NOTCH3: variants seen among roughly 807,000 people sequenced by gnomAD.
NOTCH3 encodes neurogenic locus notch homolog protein 3.
Under a neutral mutation model 213.3 loss-of-function variants are expected in NOTCH3, and 86 were observed. The observed-to-expected ratio is 0.40, with a 90% CI of 0.34 to 0.48. NOTCH3 has a LOEUF of 0.48. Ranked by LOEUF, NOTCH3 falls within the 20% of genes least tolerant of loss-of-function variation. The pLI, the probability that NOTCH3 is intolerant of heterozygous loss-of-function variation, is 0.57. For synonymous variants in NOTCH3, 1,354 were observed against 1,355.9 expected, an observed-to-expected ratio of 1.00 and a Z score of 0.03; for missense variants, 2,783 against 3,272.6, an observed-to-expected ratio of 0.85 and a Z score of 3.65.
At position 15,175,907 on chromosome 19, in the gene NOTCH3, A is replaced by C. The variant is rs2046786264; in HGVS notation, c.4404-1507T>G. 2.0e-5 allele frequency among the ~76,000 whole-genome samples: 3 copies of C among 151,182 alleles called. No individual in the cohort carries two copies. The East Asian group carries it at 5.9e-4, about 30-fold the overall frequency. On this transcript the variant is annotated intron_variant, in intron 24 of 32. Coordinates refer to ENST00000263388, the MANE Select transcript of NOTCH3 (RefSeq NM_000435.3). ...GAAAGCAGAGAAGATGAGGATGTGG[A>C]GATTAAGGGGGTGGAGGGTTCCAAG...
intron 2 of NOTCH3, among the ~76,000 whole-genome samples, chr19:15,194,148 C>G (rs1361215016): frequency 6.6e-6 from 1 of 152,088 alleles, no homozygotes; most frequent in African/African-American, 2.4e-5. Context: ...TCTTGGGAGG[C>G]TGAGGTGGGA....
intron 32 of NOTCH3, among the ~76,000 whole-genome samples, chr19:15,161,982 CTTTTTTTTTTT>C (rs71168583): frequency 8.7e-6 from 1 of 114,714 alleles, no homozygotes; most frequent in South Asian, 2.8e-4. Context: ...TTTTTCTTGT[CTTTTTTTTTTT>C]TTTTTTTTGA....
rs1473005787 is a variant in NOTCH3 at position 15,196,243 on chromosome 19, T to C, written c.197+1257A>G. On this transcript the variant is annotated intron_variant, in intron 2 of 32. Transcript: ENST00000263388. ...CGGGGCAGCCGCGGGCTCATTCACC[T>C]GTCGGCAGTATTCCAGGCGCGGAGC... 4.6e-5 allele frequency among the ~76,000 whole-genome samples: 7 copies of C among 152,222 alleles called. No individual in the cohort carries two copies. In the South Asian group the frequency reaches 6.2e-4, roughly 14 times the overall value.
At chr19:15,180,870 G>T (rs760079227) in intron 18 of NOTCH3, 42 bp from the exon 19 acceptor site, 1 of 1,608,488 alleles carries the variant, frequency 6.2e-7, no homozygotes, top group South Asian at 1.1e-5. Flanking sequence ...GGGGTGGGGG[G>T]TAGTCTGGGA....
chr19:15,191,903 G>C (rs1193592181), intron 4 of NOTCH3, 36 bp from the exon 5 acceptor site: 1 of 1,613,796 alleles, frequency 6.2e-7, no homozygotes, highest in South Asian at 1.1e-5. Flanking sequence ...TCACCGCCGG[G>C]CTGGCCTGCT....
Position 15,187,331 on chromosome 19 carries a change from C to T in NOTCH3, c.1614G>A (p.Glu538=). ...CCACGTTGCGATCACACAGCGTGCC[C>T]TCAAAGCCTGTGGGGCCAAGAGGGT... The part of the protein sequence containing the change: ...GYECRCAEGF[E]GTLCDRNVDD... Residue 538 remains glutamate (E), a synonymous_variant, in exon 11 of 33, where the codon GAG becomes GAA. Transcript: ENST00000263388. 6.2e-7 allele frequency: 1 copy of T among 1,613,086 alleles called. No individual in the cohort carries two copies. Among genetic ancestry groups the T allele is most frequent in the East Asian group, 2.2e-5 (1 of 44,862 alleles).
rs1354173937 is a variant in NOTCH3 at position 15,185,742 on chromosome 19, G to A, written c.1952-63C>T. On this transcript the variant is annotated intron_variant, in intron 12 of 32. Coordinates refer to ENST00000263388, the MANE Select transcript of NOTCH3 (RefSeq NM_000435.3). This position sits in a 1 kb window ranked among gnomAD's most constrained non-coding sequence, Gnocchi z 4.2. ...TCAGCAGGGACAACCAGGGAGGGACGACGTGACCCCACTTAGCACACCCAC... is the reference window on the plus strand; with the variant it reads ...TCAGCAGGGACAACCAGGGAGGGACAACGTGACCCCACTTAGCACACCCAC... 35 of 1,534,720 alleles carry A rather than the reference G, an allele frequency of 2.3e-5. No individual in the cohort carries two copies. The highest frequency in any genetic ancestry group is 4.5e-5 in the East Asian group (2 of 44,488).
chr19:15,189,563 A>T, intron 6 of NOTCH3, 135 bp from the exon 7 acceptor site: 2 of 1,076,202 alleles, frequency 1.9e-6, no homozygotes, highest in East Asian at 4.8e-5. Flanking sequence ...TTGTTGCCCA[A>T]GCTGGAGTAC....
rs1228689931 is a variant in NOTCH3, at chr19:15,188,318, A to G, written c.1409T>C (p.Ile470Thr). The change falls in exon 9 of 33, where the codon ATT becomes ACT. Residue 470 changes from isoleucine (I) to threonine (T), a missense_variant. By Grantham distance (89) the Ile-to-Thr change is moderately conservative (BLOSUM62 -1). Around this residue, in one of 6 missense-constraint regions of NOTCH3, gnomAD observed 708 missense variants for 906.6 expected, o/e 0.78. Coordinates refer to ENST00000263388, the MANE Select transcript of NOTCH3 (RefSeq NM_000435.3). ...GFTGTYCEVD[I>T]DECQSSPCVN... Reference sequence around the variant, plus strand: ...ACAGGGGCTACTCTGACACTCGTCAATGTCCACCTCGCAATAGGTTCCTGT... The same window carrying G: ...ACAGGGGCTACTCTGACACTCGTCAGTGTCCACCTCGCAATAGGTTCCTGT... The G allele has an allele frequency of 2.5e-6, 4 of 1,605,190 alleles. No homozygotes were observed. The African/African-American group carries it at 4.0e-5, about 16-fold the overall frequency.
chr19:15,200,067 G>C (rs2046999858), intron 1 of NOTCH3, among the ~76,000 whole-genome samples: 1 of 151,398 alleles, frequency 6.6e-6, no homozygotes, highest in Non-Finnish European at 1.5e-5. Flanking sequence ...GGGGCCCCTG[G>C]CCGGCTGGGG....
Position 15,177,994 on chromosome 19 carries a change from G to T in NOTCH3, c.3934C>A (p.Arg1312Ser). Residue 1312 changes from arginine (R) to serine (S), a missense_variant, in exon 24 of 33, where the codon CGC becomes AGC. Arg to Ser is a moderately radical substitution (Grantham distance 110, BLOSUM62 -1). Transcript: ENST00000263388. ...VPCQQTPRGP[R>S]CACPPGLSGP... Reference sequence around the variant, plus strand: ...GACAACCCTGGGGGGCAGGCGCAGCGCGGCCCGCGGGGCGTCTGCTGGCAT... The same window carrying T: ...GACAACCCTGGGGGGCAGGCGCAGCTCGGCCCGCGGGGCGTCTGCTGGCAT... 1 of 1,454,278 alleles carries T rather than the reference G, an allele frequency of 6.9e-7. No homozygotes were observed. Among genetic ancestry groups the T allele is most frequent in the South Asian group, 1.3e-5 (1 of 75,496 alleles). The allele number at this position is 1,454,278 out of a possible 1,614,324, so 90.1% of individuals were successfully genotyped here. A position where few individuals can be genotyped will look rare whatever the true frequency, so the allele number is the denominator to read the frequency against.
At chr19:15,192,789 C>G (rs951115660) in intron 2 of NOTCH3, among the ~76,000 whole-genome samples, 1 of 152,122 alleles carries the variant, frequency 6.6e-6, no homozygotes, top group Non-Finnish European at 1.5e-5. Context: ...GTGGTGCGTG[C>G]CTGTAGTCCC....
chr19:15,200,772 G>A lies in NOTCH3; in HGVS notation c.118+16C>T. On this transcript the variant is annotated intron_variant, in intron 1 of 32. Transcript: ENST00000263388. Reference sequence around the variant, plus strand: ...TCTGCCGCCCTCGTCCCATCCGCCAGGTCCCGGCCCCTCACCTGCAGCCCC... The same window carrying A: ...TCTGCCGCCCTCGTCCCATCCGCCAAGTCCCGGCCCCTCACCTGCAGCCCC... The A allele has an allele frequency of 7.8e-7, 1 of 1,289,334 alleles. No homozygotes were observed. The highest frequency in any genetic ancestry group is 9.9e-7 in the Non-Finnish European group (1 of 1,013,318). The allele number at this position is 1,289,334 out of a possible 1,614,324, so 79.9% of individuals were successfully genotyped here. A position where few individuals can be genotyped will look rare whatever the true frequency, so the allele number is the denominator to read the frequency against.
intron 28 of NOTCH3, among the ~76,000 whole-genome samples, chr19:15,168,229 C>T (rs934840279): frequency 6.6e-6 from 1 of 152,144 alleles, no homozygotes; most frequent in Non-Finnish European, 1.5e-5. Context: ...TTCCACCATG[C>T]TAAGATACCA....
rs774648286 is a variant in NOTCH3, at chr19:15,170,476, T to C, written c.4969A>G (p.Ile1657Val). 1.2e-6 allele frequency: 2 copies of C among 1,607,266 alleles called. No individual in the cohort carries two copies. Among genetic ancestry groups the C allele is most frequent in the South Asian group, 2.2e-5 (2 of 91,074 alleles). Residue 1657 changes from isoleucine to valine, a missense_variant, in exon 27 of 33, where the codon ATT (isoleucine) becomes GTT (valine). Around this residue, in one of 6 missense-constraint regions of NOTCH3, gnomAD observed 636 missense variants for 801.8 expected, o/e 0.79. Transcript: ENST00000263388. ...LVAGAVLLLVILVLGVMVARR... is the reference protein window; with the variant it reads ...LVAGAVLLLVVLVLGVMVARR... Reference sequence around the variant, plus strand: ...GCCACCATGACACCCAGGACGAGAATGACCAGCAGCAAGACAGCGCCCGCC... The same window carrying C: ...GCCACCATGACACCCAGGACGAGAACGACCAGCAGCAAGACAGCGCCCGCC...
intron 28 of NOTCH3, among the ~76,000 whole-genome samples, 167 bp downstream of exon 28, chr19:15,169,919 C>T (rs1267579699): frequency 6.6e-6 from 1 of 152,146 alleles, no homozygotes; most frequent in African/African-American, 2.4e-5. Flanking sequence ...GGTCACAGAA[C>T]CACACTGAGA....
At chr19:15,192,624 A>ATGTGTGTTTGCTGCT in intron 2 of NOTCH3, 105 bp from the exon 3 acceptor site, 2 of 1,468,602 alleles carry the variant, frequency 1.4e-6, no homozygotes, top group Non-Finnish European at 1.8e-6. Context: ...AGAGCAGCAA[A>ATGTGTGTTTGCTGCT]CACACATTTG....
At chr19:15,173,724 CAAAAAAAAAAAAAAAAAGA>C (rs2046759388) in intron 25 of NOTCH3, among the ~76,000 whole-genome samples, 1 of 131,312 alleles carries the variant, frequency 7.6e-6, no homozygotes, top group Non-Finnish European at 1.6e-5. Context: ...GACTCCGTCT[CAAAAAAAAAAAAAAAAAGA>C]AAAGAAGAAG....
Position 15,165,713 on chromosome 19 carries a change from A to C in NOTCH3, c.5667+74T>G. 1 of 1,546,506 alleles carries C rather than the reference A, an allele frequency of 6.5e-7. No individual in the cohort carries two copies. Among genetic ancestry groups the C allele is most frequent in the Non-Finnish European group, 8.8e-7 (1 of 1,134,484 alleles). ...ATGAGAAAAAATGAGTCTGAAAGGC[A>C]GAACTGGGGCTCAAACCCAGGTAAG... On this transcript the variant is annotated intron_variant, in intron 30 of 32. Transcript: ENST00000263388. This position sits in a 1 kb window ranked among gnomAD's most constrained non-coding sequence, Gnocchi z 4.7.
Sources: allele counts gnomAD v4.1 joint callset (sites outside exome capture counted in the v4.1 genomes callset), GRCh38; gene constraint gnomAD v4.1.1; regional missense constraint gnomAD v4.1.1; non-coding constraint Gnocchi (gnomAD v3.1); transcripts MANE v1.5; gene names NCBI Gene and HGNC (gene_info 2026-07-23, HGNC 2026-07-21).